The following ASB14 variants were observed in gnomAD, a reference collection of about 807,000 sequenced individuals.
The protein encoded by ASB14 is ankyrin repeat and SOCS box containing 14.
In ASB14, 63 loss-of-function variants were observed where a neutral mutation model predicts 55.6. The observed-to-expected ratio is 1.13, with a 90% confidence interval of 0.92 to 1.40. The LOEUF (loss-of-function observed/expected upper bound fraction) is 1.40. ASB14 is among the 40% of genes most tolerant of loss of function. The pLI, the probability that ASB14 is intolerant of heterozygous loss-of-function variation, is 0.00. For synonymous variants in ASB14, 256 were observed against 259.9 expected, an observed-to-expected ratio of 0.98 and a Z score of 0.15; for missense variants, 724 against 710.4, an observed-to-expected ratio of 1.02 and a Z score of -0.22.
rs779936480 is a variant in ASB14 at position 57,276,717 on chromosome 3, A to T, written c.1597T>A (p.Ser533Thr). 6.2e-7 allele frequency: 1 copy of T among 1,608,652 alleles called. No individual in the cohort carries two copies. Among genetic ancestry groups the T allele is most frequent in the Non-Finnish European group, 8.5e-7 (1 of 1,178,248 alleles). The change falls in exon 10 of 11, where the codon TCC (serine) becomes ACC (threonine). Residue 533 changes from serine to threonine, a missense_variant. Coordinates refer to ENST00000487349, the MANE Select transcript of ASB14 (RefSeq NM_001142733.3). ...EIHFILTNPRSLKHLCRLKIR... is the reference protein window; with the variant it reads ...EIHFILTNPRTLKHLCRLKIR... ...TTTAGGCGGCACAAATGTTTTAGGG[A>T]GCGAGGGTTTGCTAAAAAGAAAAGG...
intron 5 of ASB14, among the ~76,000 whole-genome samples, chr3:57,287,343 G>A (rs1467009649): frequency 1.3e-5 from 2 of 152,132 alleles, no homozygotes; most frequent in African/African-American, 4.8e-5. Flanking sequence ...GAGAACCCCC[G>A]GCAGCCTGGA....
At chr3:57,288,703 CTTTCCTT>C (rs2061101468) in intron 3 of ASB14, among the ~76,000 whole-genome samples, 1 of 132,094 alleles carries the variant, frequency 7.6e-6, no homozygotes, top group Non-Finnish European at 1.6e-5. Context: ...ACCATCATAT[CTTTCCTT>C]TTTTTTTTTT....
intron 2 of ASB14, 42 bp downstream of exon 2, chr3:57,291,870 A>T (rs1172992612): frequency 6.8e-7 from 1 of 1,480,784 alleles, no homozygotes; most frequent in African/African-American, 1.4e-5. Context: ...CAGCTGTTGA[A>T]TACAACACTT....
chr3:57,268,495 G>A lies in ASB14; in HGVS notation c.*1146C>T. ...CAAAAACAGATTGAAAAGGTATACA[G>A]TCCTAATGTCTGGATCTTTATGTGT... On this transcript the variant is annotated 3_prime_UTR_variant, in exon 11 of 11. Transcript: ENST00000487349. 6.3e-7 allele frequency: 1 copy of A among 1,582,362 alleles called. No individual in the cohort carries two copies.
chr3:57,288,596 C>CACA (rs778645923), intron 3 of ASB14, among the ~76,000 whole-genome samples: 3 of 151,520 alleles, frequency 2.0e-5, no homozygotes, highest in Non-Finnish European at 4.4e-5. Flanking sequence ...AGACTCTTGA[C>CACA]AATCAGCTGT....
chr3:57,276,280 T>A (rs974174064), intron 10 of ASB14, among the ~76,000 whole-genome samples: 5 of 138,370 alleles, frequency 3.6e-5, no homozygotes, highest in Non-Finnish European at 8.5e-5. Flanking sequence ...AAAGCTACTT[T>A]AAAAAATTTT....
chr3:57,277,962 CA>C, intron 8 of ASB14, 42 bp from the exon 9 acceptor site: 1 of 1,550,188 alleles, frequency 6.5e-7, no homozygotes, highest in Non-Finnish European at 8.9e-7. Context: ...AAATGAAAAA[CA>C]CAAAGTATCT....
intron 2 of ASB14, among the ~76,000 whole-genome samples, chr3:57,290,097 C>T (rs1437190744): frequency 6.6e-6 from 1 of 152,158 alleles, no homozygotes; most frequent in Non-Finnish European, 1.5e-5. Flanking sequence ...TCTATAGCTG[C>T]TGTAAGAAGT....
chr3:57,276,500 T>G, intron 10 of ASB14, 28 bp downstream of exon 10: 1 of 1,494,714 alleles, frequency 6.7e-7, no homozygotes, highest in Non-Finnish European at 9.1e-7. Context: ...TAAGTGAAAT[T>G]TTAAGGAATA....
Position 57,287,995 on chromosome 3 carries a change from G to A in ASB14, c.375C>T (p.Val125=), listed in dbSNP as rs1238063844. The A allele has an allele frequency of 6.5e-7, 1 of 1,537,308 alleles. No individual in the cohort carries two copies. The highest frequency in any genetic ancestry group is 1.2e-5 in the South Asian group (1 of 84,064). ...HNGETPLFLA[V]SSCLLENATF... The stretch of plus-strand genomic sequence containing the variant: ...TGGCATTTTCTAAGAGGCAACTGCT[G>A]ACAGCCAAAAAAAGTGGCGTTTCAC... Residue 125 remains valine, a synonymous_variant, in exon 5 of 11, where the codon GTC becomes GTT. Transcript: ENST00000487349.
At chr3:57,281,328 G>T (rs1039979974) in intron 6 of ASB14, among the ~76,000 whole-genome samples, 1 of 151,910 alleles carries the variant, frequency 6.6e-6, no homozygotes, top group African/African-American at 2.4e-5. Context: ...GAAGATCTAG[G>T]GCTGGGGTTG....
At chr3:57,289,037 A>T in intron 3 of ASB14, 31 bp downstream of exon 3, 1 of 1,450,696 alleles carries the variant, frequency 6.9e-7, no homozygotes, top group Middle Eastern at 1.7e-4. Flanking sequence ...GTCACATCTT[A>T]CCACAAGTTA....
At chr3:57,290,871 G>T (rs1227943576) in intron 2 of ASB14, among the ~76,000 whole-genome samples, 1 of 152,130 alleles carries the variant, frequency 6.6e-6, no homozygotes, top group African/African-American at 2.4e-5. Flanking sequence ...AATATTTAAA[G>T]ATTATTTTAA....
intron 7 of ASB14, 113 bp from the exon 8 acceptor site, chr3:57,279,033 G>A: frequency 3.0e-6 from 3 of 1,008,424 alleles, no homozygotes; most frequent in African/African-American, 1.6e-5. Context: ...GGGGCATTTA[G>A]AACCCACAAC....
chr3:57,290,387 C>G (rs2061119351), intron 2 of ASB14, among the ~76,000 whole-genome samples: 1 of 152,184 alleles, frequency 6.6e-6, no homozygotes, highest in South Asian at 2.1e-4. Flanking sequence ...GTTGTCTCTC[C>G]TGGCTCCCCC....
intron 5 of ASB14, among the ~76,000 whole-genome samples, chr3:57,286,385 C>T (rs1347955303): frequency 6.9e-6 from 1 of 144,326 alleles, no homozygotes; most frequent in Non-Finnish European, 1.6e-5. Flanking sequence ...CACATGTATC[C>T]TTGAATTATT....
chr3:57,277,167 T>TGAG (rs899544405), intron 9 of ASB14, among the ~76,000 whole-genome samples: 2 of 151,276 alleles, frequency 1.3e-5, no homozygotes, highest in African/African-American at 4.9e-5. Context: ...CTCGTGAGAC[T>TGAG]GAGGCAGGAG....
At chr3:57,282,813 G>T (rs1278701431) in intron 6 of ASB14, among the ~76,000 whole-genome samples, 1 of 152,132 alleles carries the variant, frequency 6.6e-6, no homozygotes, top group Non-Finnish European at 1.5e-5. Flanking sequence ...AAGCCATTTG[G>T]TAACAGATTA....
chr3:57,278,591 A>G lies in ASB14; in HGVS notation c.1217T>C (p.Leu406Pro), dbSNP rs781235468. The G allele has an allele frequency of 1.2e-5, 19 of 1,614,116 alleles. No homozygotes were observed. The highest frequency in any genetic ancestry group is 1.4e-5 in the Non-Finnish European group (17 of 1,180,048). Reference protein sequence around the residue: ...MGNYELISLLLRHGANVNYFC... With the variant: ...MGNYELISLLPRHGANVNYFC... ...GTAATTGACATTGGCCCCATGCCTT[A>G]GCAGCAGACTGATCAGCTCATAGTT... Residue 406 changes from leucine (L) to proline (P), a missense_variant, in exon 8 of 11, where the codon CTA (leucine) becomes CCA (proline). Coordinates refer to ENST00000487349, the MANE Select transcript of ASB14 (RefSeq NM_001142733.3).
Sources: gnomAD v4.1 joint callset for allele counts (sites outside exome capture counted in the v4.1 genomes callset) on GRCh38, gnomAD v4.1.1 for gene constraint, MANE v1.5 for transcripts, NCBI Gene and HGNC (gene_info 2026-07-23, HGNC 2026-07-21) for gene names.